The following CNTNAP5 variants were observed in gnomAD, a reference collection of about 807,000 sequenced individuals.
CNTNAP5 encodes the protein contactin-associated protein-like 5.
Under a neutral mutation model 150.2 loss-of-function variants are expected in CNTNAP5, and 72 were observed. The ratio of observed to expected loss-of-function variants is 0.48; its 90% CI spans 0.40 to 0.58. CNTNAP5 has a LOEUF of 0.58. Among genes scored for constraint, CNTNAP5 ranks in the 20% least tolerant of loss-of-function variants. The probability of loss-of-function intolerance (pLI) is 0.00; values close to 1 mark genes in which losing one functional copy is unlikely to be tolerated. For synonymous variants in CNTNAP5, 672 were observed against 619.8 expected, an observed-to-expected ratio of 1.08 and a Z score of -1.25; for missense variants, 1,636 against 1,626.2, an observed-to-expected ratio of 1.01 and a Z score of -0.10.
At chr2:124,860,234 C>A (rs1237845933) in intron 19 of CNTNAP5, among the ~76,000 whole-genome samples, 1 of 151,736 alleles carries the variant, frequency 6.6e-6, no homozygotes, top group Non-Finnish European at 1.5e-5. Flanking sequence ...CCTGTAGTCC[C>A]AGCTACTCAG....
At chr2:124,566,518 C>T (rs751695967) in intron 11 of CNTNAP5, among the ~76,000 whole-genome samples, 1 of 152,186 alleles carries the variant, frequency 6.6e-6, no homozygotes, top group Non-Finnish European at 1.5e-5. Context: ...AGACTCAACA[C>T]ACAAAAACCT....
At chr2:124,847,946 A>G (rs1683082581) in intron 19 of CNTNAP5, among the ~76,000 whole-genome samples, 1 of 152,148 alleles carries the variant, frequency 6.6e-6, no homozygotes, top group South Asian at 2.1e-4. Context: ...AAAAGCTTAA[A>G]AATATTTATT....
chr2:124,786,378 AGAAAGAAAGAAAGAAAGAAAGAAGGAAG>A (rs1169675716), intron 17 of CNTNAP5, among the ~76,000 whole-genome samples: 5 of 84,142 alleles, frequency 5.9e-5, no homozygotes, highest in African/African-American at 1.7e-4. Flanking sequence ...AAAGAAAGAA[AGAAAGAAAGAAAGAAAGAAAGAAGGAAG>A]GAAGGAAGGA....
chr2:124,420,642 G>T (rs1692079542), intron 4 of CNTNAP5, among the ~76,000 whole-genome samples: 1 of 152,158 alleles, frequency 6.6e-6, no homozygotes, highest in African/African-American at 2.4e-5. Context: ...TAAGTAATCT[G>T]AATGGACCTA....
intron 11 of CNTNAP5, among the ~76,000 whole-genome samples, chr2:124,591,012 A>G (rs1696667279): frequency 6.6e-6 from 1 of 152,178 alleles, no homozygotes; most frequent in African/African-American, 2.4e-5. Context: ...GAAAACACTG[A>G]TCCATCTGCT....
intron 1 of CNTNAP5, among the ~76,000 whole-genome samples, chr2:124,152,566 T>C (rs528698306): frequency 6.6e-6 from 1 of 152,104 alleles, no homozygotes; most frequent in South Asian, 2.1e-4. Flanking sequence ...TTTTTCAGGG[T>C]TGAGATCAGT....
chr2:124,724,449 C>T (rs922629405), intron 13 of CNTNAP5, among the ~76,000 whole-genome samples: 2 of 152,004 alleles, frequency 1.3e-5, no homozygotes, highest in African/African-American at 2.4e-5. Flanking sequence ...GGTGGCAAGG[C>T]GCACAAGTCA....
chr2:124,206,936 A>C (rs1685879617), intron 1 of CNTNAP5, among the ~76,000 whole-genome samples: 1 of 152,200 alleles, frequency 6.6e-6, no homozygotes, highest in Non-Finnish European at 1.5e-5. Context: ...CCCAAATATT[A>C]ATAGATATGA....
At chr2:124,436,784 A>G (rs996315827) in intron 5 of CNTNAP5, among the ~76,000 whole-genome samples, 3 of 152,126 alleles carry the variant, frequency 2.0e-5, no homozygotes, top group African/African-American at 7.2e-5. Flanking sequence ...TTGATGGAGG[A>G]TTAAGTAGTA....
intron 11 of CNTNAP5, among the ~76,000 whole-genome samples, chr2:124,575,934 T>G (rs1696273088): frequency 6.6e-6 from 1 of 152,206 alleles, no homozygotes; most frequent in African/African-American, 2.4e-5. Flanking sequence ...GCTTTCCCTT[T>G]TAGCAATCAG....
chr2:124,673,049 T>C (rs1246988562), intron 13 of CNTNAP5, among the ~76,000 whole-genome samples: 3 of 152,130 alleles, frequency 2.0e-5, no homozygotes, highest in Non-Finnish European at 2.9e-5. Flanking sequence ...ATATATCAAA[T>C]TGGCATTTTG....
At chr2:124,778,196 G>A (rs1382008670) in intron 17 of CNTNAP5, among the ~76,000 whole-genome samples, 1 of 152,180 alleles carries the variant, frequency 6.6e-6, no homozygotes, top group Non-Finnish European at 1.5e-5. Flanking sequence ...GGAAGCCCCA[G>A]TTGGAAAAGA....
intron 1 of CNTNAP5, among the ~76,000 whole-genome samples, chr2:124,032,823 T>G (rs1294571138): frequency 6.6e-6 from 1 of 152,222 alleles, no homozygotes; most frequent in African/African-American, 2.4e-5. Context: ...CTCAGTGCAG[T>G]ATATTTCATA....
At chr2:124,530,020 G>A (rs181562086) in intron 10 of CNTNAP5, among the ~76,000 whole-genome samples, 3 of 152,288 alleles carry the variant, frequency 2.0e-5, no homozygotes, top group South Asian at 2.1e-4. Flanking sequence ...GACATCTAAA[G>A]TAGAATTCTG....
chr2:124,299,138 CA>C (rs1688511248), intron 3 of CNTNAP5, among the ~76,000 whole-genome samples: 1 of 152,148 alleles, frequency 6.6e-6, no homozygotes, highest in Non-Finnish European at 1.5e-5. Context: ...CTTCCCACAT[CA>C]CAGATTAAAT....
chr2:124,457,442 C>T (rs532796246), intron 6 of CNTNAP5, among the ~76,000 whole-genome samples: 1 of 152,212 alleles, frequency 6.6e-6, no homozygotes, highest in South Asian at 2.1e-4. Context: ...CCAGAAACTA[C>T]AATGAACTCA....
chr2:124,560,396 G>C (rs1238487804), intron 10 of CNTNAP5, among the ~76,000 whole-genome samples: 1 of 151,570 alleles, frequency 6.6e-6, no homozygotes, highest in Non-Finnish European at 1.5e-5. Context: ...GCAGGCTCCT[G>C]TAATCCCAGC....
chr2:124,487,336 C>G (rs1693909101), intron 7 of CNTNAP5, among the ~76,000 whole-genome samples: 1 of 152,114 alleles, frequency 6.6e-6, no homozygotes, highest in Non-Finnish European at 1.5e-5. Flanking sequence ...GAATGTGACT[C>G]TGAGATGAAG....
At chr2:124,416,421 G>T (rs1691918847) in intron 3 of CNTNAP5, among the ~76,000 whole-genome samples, 2 of 148,722 alleles carry the variant, frequency 1.3e-5, no homozygotes, top group Admixed American at 6.7e-5. Flanking sequence ...CATTCATGTT[G>T]TTCACATCCA....
Sources: allele counts gnomAD v4.1 joint callset (sites outside exome capture counted in the v4.1 genomes callset), GRCh38; gene constraint gnomAD v4.1.1; transcripts MANE v1.5; gene names NCBI Gene and HGNC (gene_info 2026-07-23, HGNC 2026-07-21).